TECPR2: variants seen among roughly 807,000 people sequenced by gnomAD.
TECPR2 encodes tectonin beta-propeller repeat containing 2.
A neutral mutation model predicts 138.1 loss-of-function variants in TECPR2; 65 were observed. That is an observed-to-expected ratio of 0.47 (90% CI 0.39 to 0.58). TECPR2 has a LOEUF of 0.58. TECPR2 is among the 20% of genes least tolerant of loss of function. The pLI is 0.00. For synonymous variants in TECPR2, 746 were observed against 749.8 expected, an observed-to-expected ratio of 0.99 and a Z score of 0.08; for missense variants, 1,553 against 1,824.5, an observed-to-expected ratio of 0.85 and a Z score of 2.71.
chr14:102,399,186 T>C (rs1383362301), intron 2 of TECPR2, among the ~76,000 whole-genome samples: 2 of 152,124 alleles, frequency 1.3e-5, no homozygotes, highest in African/African-American at 4.8e-5. Context: ...CGCTTGAATC[T>C]GGGAGGCAGA....
At chr14:102,384,713 G>GTA (rs549603970) in intron 2 of TECPR2, among the ~76,000 whole-genome samples, 1,607 of 147,722 alleles carry the variant, frequency 0.011, 27 homozygotes, top group African/African-American at 0.035. Flanking sequence ...GTGTGTGTGT[G>GTA]TATATATATA....
At chr14:102,453,314 A>G (rs993239810) in intron 16 of TECPR2, among the ~76,000 whole-genome samples, 44 of 152,136 alleles carry the variant, frequency 2.9e-4, no homozygotes, top group African/African-American at 1.1e-3. Context: ...TGTCTCTACT[A>G]AAAATACAAA....
chr14:102,454,632 T>C (rs1204256966), intron 16 of TECPR2, among the ~76,000 whole-genome samples: 1 of 152,174 alleles, frequency 6.6e-6, no homozygotes, highest in Non-Finnish European at 1.5e-5. Flanking sequence ...AAGCCTTTCA[T>C]TTGTTCAGAG....
chr14:102,397,315 C>G (rs1386559232), intron 2 of TECPR2, among the ~76,000 whole-genome samples: 1 of 151,256 alleles, frequency 6.6e-6, no homozygotes. Context: ...TTCAACAAAA[C>G]AAATCACGAG....
In TECPR2 at chr14:102,401,236, C is replaced by T. The variant is rs555939880; in HGVS notation, c.220-6102C>T. Among the ~76,000 whole-genome samples, 18 of 151,592 alleles carry T rather than the reference C, an allele frequency of 1.2e-4. No individual in the cohort carries two copies. The South Asian group carries it at 2.5e-3, about 21-fold the overall frequency. ...GGTGGATCACCTGAGGTCAGGAGTTCGAGACCAGCCTGGGTAACATGGTGA... is the reference window on the plus strand; with the variant it reads ...GGTGGATCACCTGAGGTCAGGAGTTTGAGACCAGCCTGGGTAACATGGTGA... On this transcript the variant is annotated intron_variant, in intron 2 of 19. Transcript: ENST00000359520.
intron 17 of TECPR2, among the ~76,000 whole-genome samples, chr14:102,477,747 A>G (rs1595144778): frequency 8.7e-6 from 1 of 115,496 alleles, no homozygotes; most frequent in African/African-American, 3.2e-5. Flanking sequence ...TTTTATGTTG[A>G]TACAGGGTTT....
chr14:102,425,125 C>A lies in TECPR2; in HGVS notation c.785C>A (p.Ala262Asp). The A allele has an allele frequency of 6.2e-7, 1 of 1,614,104 alleles. No homozygotes were observed. Among genetic ancestry groups the A allele is most frequent in the Non-Finnish European group, 8.5e-7 (1 of 1,180,036 alleles). Residue 262 changes from alanine to aspartate, a missense_variant, in exon 6 of 20, where the codon GCC (alanine) becomes GAC (aspartate). Physicochemically the swap from Ala to Asp is moderately radical, Grantham distance 126 (BLOSUM62 -2). Coordinates refer to ENST00000359520, the MANE Select transcript of TECPR2 (RefSeq NM_014844.5). ...ACGTTTATCTTAAAAGATGCTTTTG[C>A]CGGGGGAGTCAAGCCTTTTGAACTG... Reference protein sequence around the residue: ...QATFILKDAFAGGVKPFELHP... With the variant: ...QATFILKDAFDGGVKPFELHP...
chr14:102,443,876 C>T lies in TECPR2; in HGVS notation c.2933+49C>T, dbSNP rs1403442684. 1.8e-5 allele frequency: 26 copies of T among 1,443,894 alleles called. No homozygotes were observed. Among genetic ancestry groups the T allele is most frequent in the South Asian group, 4.7e-5 (3 of 64,390 alleles). The allele number at this position is 1,443,894 out of a possible 1,614,324, so 89.4% of individuals were successfully genotyped here. A position where few individuals can be genotyped will look rare whatever the true frequency, so the allele number is the denominator to read the frequency against. On this transcript the variant is annotated intron_variant, in intron 12 of 19. Coordinates refer to ENST00000359520, the MANE Select transcript of TECPR2 (RefSeq NM_014844.5). This position sits in a 1 kb window ranked among gnomAD's most constrained non-coding sequence, Gnocchi z 4.9. ...TTCACATCGTGCTTGTCCTACCCTT[C>T]GTTCTTGTCCACTTGACACCACAAG...
intron 17 of TECPR2, among the ~76,000 whole-genome samples, chr14:102,480,962 A>G (rs1252760242): frequency 1.4e-5 from 2 of 140,380 alleles, no homozygotes; most frequent in Non-Finnish European, 3.0e-5. Flanking sequence ...CTCCTGCCTC[A>G]GCCTCCTGAG....
intron 2 of TECPR2, among the ~76,000 whole-genome samples, chr14:102,395,665 G>A (rs1256745127): frequency 6.6e-6 from 1 of 152,110 alleles, no homozygotes; most frequent in African/African-American, 2.4e-5. Flanking sequence ...GGGCATGGTG[G>A]CGTCTGCCTG....
At chr14:102,441,665 C>CGTT in intron 11 of TECPR2, among the ~76,000 whole-genome samples, 1 of 152,076 alleles carries the variant, frequency 6.6e-6, no homozygotes, top group Admixed American at 6.5e-5. Flanking sequence ...ACTCTCCAGC[C>CGTT]TGGTGACAGG....
intron 15 of TECPR2, among the ~76,000 whole-genome samples, chr14:102,452,179 T>G (rs1040064063): frequency 6.6e-6 from 1 of 152,228 alleles, no homozygotes; most frequent in Non-Finnish European, 1.5e-5. Context: ...TTCCAACATC[T>G]CAGGCGTGTT....
intron 2 of TECPR2, among the ~76,000 whole-genome samples, chr14:102,378,971 T>G (rs1887713373): frequency 2.0e-5 from 3 of 152,160 alleles, no homozygotes; most frequent in Admixed American, 2.0e-4. Flanking sequence ...TGCTATTTCT[T>G]CTCTTTGAGT....
At chr14:102,493,518 G>T (rs913779041) in intron 17 of TECPR2, among the ~76,000 whole-genome samples, 1 of 152,256 alleles carries the variant, frequency 6.6e-6, no homozygotes, top group South Asian at 2.1e-4. Flanking sequence ...CCATGGAATG[G>T]AAATGGATGT....
chr14:102,424,994 T>G lies in TECPR2; in HGVS notation c.654T>G (p.Gly218=). Residue 218 remains glycine, a synonymous_variant, in exon 6 of 20, where the codon GGT becomes GGG. Transcript: ENST00000359520. The stretch of plus-strand genomic sequence containing the variant: ...CTAATTTTAGTACTGGGAAATTTGG[T>G]GCTTGTTTTATACCAGGACTCTGTA... ...TQPRKSTGKF[G]ACFIPGLCKQ... 3.1e-6 allele frequency: 5 copies of G among 1,606,646 alleles called. No individual in the cohort carries two copies. Among genetic ancestry groups the G allele is most frequent in the Non-Finnish European group, 4.3e-6 (5 of 1,176,240 alleles).
intron 4 of TECPR2, 22 bp downstream of exon 4, chr14:102,408,641 C>T (rs372196855): frequency 3.8e-6 from 6 of 1,591,450 alleles, no homozygotes; most frequent in Non-Finnish European, 4.3e-6. Flanking sequence ...TTCAGAAATA[C>T]TGTTGGCTCT....
chr14:102,366,104 A>C (rs1248091208), intron 1 of TECPR2, among the ~76,000 whole-genome samples: 4 of 152,188 alleles, frequency 2.6e-5, no homozygotes, highest in Non-Finnish European at 5.9e-5. Context: ...GTTATTGTAC[A>C]GCGAAGTGGA....
At position 102,415,936 on chromosome 14, in the gene TECPR2, A is replaced by C. The variant is rs979766644; in HGVS notation, c.638+1143A>C. ...TGCCGTTGGGGACAGGCCGTCCTGGAGAGTCGGGTGAGGCGGAGCCAGCCC... is the reference window on the plus strand; with the variant it reads ...TGCCGTTGGGGACAGGCCGTCCTGGCGAGTCGGGTGAGGCGGAGCCAGCCC... On this transcript the variant is annotated intron_variant, in intron 5 of 19. Coordinates refer to ENST00000359520, the MANE Select transcript of TECPR2 (RefSeq NM_014844.5). The surrounding 1 kb of genome is among the most constrained non-coding windows in gnomAD (Gnocchi z 4.3). Among the ~76,000 whole-genome samples the C allele has an allele frequency of 3.9e-5, 6 of 152,028 alleles. No individual in the cohort carries two copies. Among genetic ancestry groups the C allele is most frequent in the Non-Finnish European group, 8.8e-5 (6 of 67,994 alleles).
intron 1 of TECPR2, among the ~76,000 whole-genome samples, chr14:102,373,915 A>G (rs1040049189): frequency 3.9e-5 from 6 of 151,920 alleles, no homozygotes; most frequent in Middle Eastern, 3.4e-3. Flanking sequence ...CCCCATCTCT[A>G]CTAAAAAATA....
Sources: allele counts gnomAD v4.1 joint callset (sites outside exome capture counted in the v4.1 genomes callset), GRCh38; gene constraint gnomAD v4.1.1; non-coding constraint Gnocchi (gnomAD v3.1); transcripts MANE v1.5; gene names NCBI Gene and HGNC (gene_info 2026-07-23, HGNC 2026-07-21).